The following SPOCK3 variants were observed in gnomAD, a reference collection of about 807,000 sequenced individuals.
SPOCK3 encodes the protein testican-3.
SPOCK3 carries 30 observed loss-of-function variants against 56.6 expected under a neutral mutation model. That is an observed-to-expected ratio of 0.53 (90% CI 0.40 to 0.72). The LOEUF is 0.72. SPOCK3 is among the 30% of genes least tolerant of loss of function. SPOCK3 has a pLI of 0.00. For synonymous variants in SPOCK3, 196 were observed against 183.3 expected, an observed-to-expected ratio of 1.07 and a Z score of -0.56; for missense variants, 527 against 530.0, an observed-to-expected ratio of 0.99 and a Z score of 0.06.
chr4:167,210,511 C>A (rs1384362674), intron 2 of SPOCK3, among the ~76,000 whole-genome samples: 2 of 152,042 alleles, frequency 1.3e-5, no homozygotes, highest in African/African-American at 4.8e-5. Flanking sequence ...ACAAAGAGGT[C>A]TTTTCCTCTT....
At chr4:166,738,553 T>A (rs1169335088) in intron 9 of SPOCK3, among the ~76,000 whole-genome samples, 2 of 151,094 alleles carry the variant, frequency 1.3e-5, no homozygotes, top group Non-Finnish European at 3.0e-5. Flanking sequence ...TGTGCCATGC[T>A]GCTGTGCTGC....
intron 2 of SPOCK3, among the ~76,000 whole-genome samples, chr4:167,100,190 C>G (rs982361286): frequency 2.0e-5 from 3 of 151,902 alleles, no homozygotes; most frequent in Non-Finnish European, 4.4e-5. Flanking sequence ...TTTGCCAAGG[C>G]CTCTTATCTC....
Position 166,792,193 on chromosome 4 carries a change from G to A in SPOCK3, c.686C>T (p.Thr229Ile), listed in dbSNP as rs368840763. The change falls in exon 7 of 11, where the codon ACA (threonine) becomes ATA (isoleucine). Residue 229 changes from threonine (T) to isoleucine (I), a missense_variant. By Grantham distance (89) the Thr-to-Ile change is moderately conservative. Coordinates refer to ENST00000357545, the MANE Select transcript of SPOCK3 (RefSeq NM_001040159.2). ...ESGSQNKKTK[T>I]LLRPERSRFD... ...ACTGCTTCTCTCAGGCCTCAGCAAT[G>A]TTTTTGTCTTCTTGTTTTGACTTCC... 7 of 1,613,720 alleles carry A rather than the reference G, an allele frequency of 4.3e-6. No individual in the cohort carries two copies. The African/African-American group carries it at 9.3e-5, about 22-fold the overall frequency.
At chr4:167,131,271 A>C (rs1762674874) in intron 2 of SPOCK3, among the ~76,000 whole-genome samples, 1 of 152,100 alleles carries the variant, frequency 6.6e-6, no homozygotes, top group Non-Finnish European at 1.5e-5. Context: ...CAAAGATAAA[A>C]TGTGCTACAC....
intron 2 of SPOCK3, among the ~76,000 whole-genome samples, chr4:167,078,680 C>T (rs1013368060): frequency 4.0e-5 from 6 of 151,438 alleles, no homozygotes; most frequent in Non-Finnish European, 8.8e-5. Flanking sequence ...CAGGTATCAT[C>T]CTTTACCTCA....
At chr4:166,785,766 G>C (rs1016976780) in intron 7 of SPOCK3, among the ~76,000 whole-genome samples, 2 of 152,048 alleles carry the variant, frequency 1.3e-5, no homozygotes, top group African/African-American at 4.8e-5. Flanking sequence ...GCTATCATCA[G>C]AATCTTGCCC....
chr4:167,028,309 T>G (rs1193218888), intron 3 of SPOCK3, among the ~76,000 whole-genome samples: 1 of 151,550 alleles, frequency 6.6e-6, no homozygotes, highest in East Asian at 1.9e-4. Context: ...CCCAGGAGAT[T>G]GAGGCCGTAG....
At chr4:166,938,955 C>CCACA (rs59234659) in intron 4 of SPOCK3, among the ~76,000 whole-genome samples, 4,984 of 148,364 alleles carry the variant, frequency 0.034, 211 homozygotes, top group African/African-American at 0.093. Context: ...CATACACACA[C>CCACA]CACACACACA....
At chr4:166,967,805 G>C (rs879728798) in intron 4 of SPOCK3, among the ~76,000 whole-genome samples, 1 of 152,188 alleles carries the variant, frequency 6.6e-6, no homozygotes, top group Non-Finnish European at 1.5e-5. Flanking sequence ...AACAGGCAAA[G>C]GTTGGCACAA....
intron 5 of SPOCK3, among the ~76,000 whole-genome samples, chr4:166,902,155 T>C (rs536224057): frequency 1.3e-5 from 2 of 152,156 alleles, no homozygotes; most frequent in Non-Finnish European, 2.9e-5. Flanking sequence ...TTTTAAAAAT[T>C]TTCTTTCAAT....
At chr4:167,175,198 T>A (rs1378610355) in intron 2 of SPOCK3, among the ~76,000 whole-genome samples, 1 of 152,106 alleles carries the variant, frequency 6.6e-6, no homozygotes. Flanking sequence ...TTTTTAGAAC[T>A]GCTAAATTGC....
chr4:166,848,856 C>A (rs1748376316), intron 6 of SPOCK3, among the ~76,000 whole-genome samples: 1 of 152,050 alleles, frequency 6.6e-6, no homozygotes, highest in South Asian at 2.1e-4. Context: ...AATGTTGTAC[C>A]CTTTCTGTAC....
intron 2 of SPOCK3, among the ~76,000 whole-genome samples, chr4:167,085,994 C>T (rs2150300189): frequency 6.6e-6 from 1 of 152,096 alleles, no homozygotes; most frequent in Non-Finnish European, 1.5e-5. Flanking sequence ...AGATATTTGA[C>T]CTACTAGGCT....
intron 6 of SPOCK3, among the ~76,000 whole-genome samples, chr4:166,835,186 C>A (rs1746486830): frequency 1.3e-5 from 2 of 152,074 alleles, no homozygotes; most frequent in African/African-American, 4.8e-5. Context: ...ATTGGCTATA[C>A]TGACTTATAC....
At chr4:167,098,402 C>T (rs1419257540) in intron 2 of SPOCK3, among the ~76,000 whole-genome samples, 1 of 151,848 alleles carries the variant, frequency 6.6e-6, no homozygotes, top group Non-Finnish European at 1.5e-5. Flanking sequence ...TTTAAATGTT[C>T]CTAGAACTTT....
At chr4:166,938,370 A>G (rs1740680450) in intron 4 of SPOCK3, among the ~76,000 whole-genome samples, 1 of 152,186 alleles carries the variant, frequency 6.6e-6, no homozygotes, top group Admixed American at 6.5e-5. Flanking sequence ...GAAATGTAAA[A>G]TTATATTTCT....
chr4:166,987,908 A>G (rs1379102136), intron 4 of SPOCK3, among the ~76,000 whole-genome samples: 2 of 152,182 alleles, frequency 1.3e-5, no homozygotes, highest in African/African-American at 4.8e-5. Context: ...TAATTGCTCA[A>G]TATGAATTAG....
At chr4:167,053,298 C>T (rs534970527) in intron 3 of SPOCK3, among the ~76,000 whole-genome samples, 5 of 152,142 alleles carry the variant, frequency 3.3e-5, no homozygotes, top group Non-Finnish European at 7.4e-5. Flanking sequence ...AGTTTAGCTG[C>T]CGTGTATCTG....
intron 3 of SPOCK3, among the ~76,000 whole-genome samples, chr4:167,027,298 C>T (rs1751783259): frequency 6.6e-6 from 1 of 151,874 alleles, no homozygotes; most frequent in South Asian, 2.1e-4. Flanking sequence ...ACTTTTCATC[C>T]ACTTTCTCAT....
Sources: gnomAD v4.1 joint callset for allele counts (sites outside exome capture counted in the v4.1 genomes callset) on GRCh38, gnomAD v4.1.1 for gene constraint, MANE v1.5 for transcripts, NCBI Gene and HGNC (gene_info 2026-07-23, HGNC 2026-07-21) for gene names.